The following TMCC3 variants were observed in gnomAD, a reference collection of about 807,000 sequenced individuals.
TMCC3 encodes transmembrane and coiled-coil domain protein 3.
Under a neutral mutation model 40.2 loss-of-function variants are expected in TMCC3, and 28 were observed. That is an observed-to-expected ratio of 0.70 (90% CI 0.52 to 0.95). The LOEUF (loss-of-function observed/expected upper bound fraction) is 0.95, where lower values mean the gene tolerates loss of function less well. TMCC3 is among the 40% of genes least tolerant of loss of function. TMCC3 has a pLI of 0.00. For synonymous variants in TMCC3, 255 were observed against 248.5 expected (o/e 1.03, Z -0.25); for missense variants, 554 against 615.2 (o/e 0.90, Z 1.05).
Position 94,571,170 on chromosome 12 carries a change from G to A in TMCC3, c.*265C>T. ...TCAATATACAGAGGTTTACCACGCT[G>A]GGCTGGTCAGGTGGGCAGGAAATCG... On this transcript the variant is annotated 3_prime_UTR_variant, in exon 4 of 4. Coordinates refer to ENST00000261226, the MANE Select transcript of TMCC3 (RefSeq NM_020698.4). 2.1e-6 allele frequency: 1 copy of A among 486,466 alleles called. No individual in the cohort carries two copies. Among genetic ancestry groups the A allele is most frequent in the Non-Finnish European group, 3.7e-6 (1 of 269,264 alleles). The allele number at this position is 486,466 out of a possible 1,614,324, so 30.1% of individuals were successfully genotyped here.
intron 2 of TMCC3, 85 bp downstream of exon 2, chr12:94,581,537 T>C: frequency 9.5e-7 from 1 of 1,050,250 alleles, no homozygotes; most frequent in East Asian, 3.3e-5. Context: ...AAAAAAGTTT[T>C]CAAAATGAAA....
At chr12:94,603,036 T>C (rs780630157) in intron 1 of TMCC3, among the ~76,000 whole-genome samples, 9 of 152,212 alleles carry the variant, frequency 5.9e-5, no homozygotes, top group Non-Finnish European at 8.8e-5. Context: ...CATAAAATTA[T>C]TAGCACAGAC....
intron 1 of TMCC3, among the ~76,000 whole-genome samples, chr12:94,612,904 T>C (rs2068824794): frequency 1.3e-5 from 2 of 152,194 alleles, no homozygotes; most frequent in African/African-American, 4.8e-5. Flanking sequence ...AGAAATTCCA[T>C]TTGTAGGTTA....
intron 1 of TMCC3, among the ~76,000 whole-genome samples, chr12:94,644,931 T>C (rs761272815): frequency 1.3e-5 from 2 of 152,242 alleles, no homozygotes; most frequent in Admixed American, 6.5e-5. Context: ...CTTGAAGATA[T>C]ACTACAGGTG....
chr12:94,593,401 G>A (rs1191362846), intron 1 of TMCC3, among the ~76,000 whole-genome samples: 2 of 28,458 alleles, frequency 7.0e-5, no homozygotes, highest in Admixed American at 3.7e-4. Flanking sequence ...AAAGAAGAAA[G>A]AAGAAGAAGG....
At chr12:94,647,313 T>G (rs1317613) in intron 1 of TMCC3, among the ~76,000 whole-genome samples, 37,157 of 152,128 alleles carry the variant, frequency 0.24, 5,749 homozygotes, top group African/African-American at 0.44. Flanking sequence ...TCCACCTAGA[T>G]GTAAAAATAG....
chr12:94,641,674 C>T (rs2068991660), intron 1 of TMCC3, among the ~76,000 whole-genome samples: 1 of 152,200 alleles, frequency 6.6e-6, no homozygotes, highest in African/African-American at 2.4e-5. Flanking sequence ...ATTGAAAACA[C>T]TCGGTGCTAG....
chr12:94,597,384 C>T (rs1167031152), intron 1 of TMCC3, among the ~76,000 whole-genome samples: 1 of 151,998 alleles, frequency 6.6e-6, no homozygotes, highest in Non-Finnish European at 1.5e-5. Flanking sequence ...CCTTTCCTCC[C>T]TAAGGGACCT....
chr12:94,609,160 C>T (rs1468123002), intron 1 of TMCC3, among the ~76,000 whole-genome samples: 4 of 151,984 alleles, frequency 2.6e-5, no homozygotes, highest in African/African-American at 7.3e-5. Flanking sequence ...CCCAGGAGTT[C>T]GAGGTTGCAG....
chr12:94,584,036 C>T (rs1029514789), intron 1 of TMCC3, among the ~76,000 whole-genome samples: 34 of 152,024 alleles, frequency 2.2e-4, no homozygotes, highest in Non-Finnish European at 3.5e-4. Flanking sequence ...AATTAGTGGG[C>T]TGACAGCAAA....
chr12:94,584,709 T>C (rs1014308101), intron 1 of TMCC3, among the ~76,000 whole-genome samples: 12 of 151,812 alleles, frequency 7.9e-5, no homozygotes, highest in Non-Finnish European at 1.0e-4. Flanking sequence ...TGCACAATTT[T>C]GTCATGAAGG....
intron 1 of TMCC3, among the ~76,000 whole-genome samples, chr12:94,649,001 A>G: frequency 6.6e-6 from 1 of 152,362 alleles, no homozygotes; most frequent in South Asian, 2.1e-4. Flanking sequence ...ACATTTCTTC[A>G]ATGTTTATTC....
rs1281731270 is a variant in TMCC3 at position 94,568,929 on chromosome 12, C to T, written c.*2506G>A. On this transcript the variant is annotated 3_prime_UTR_variant, in exon 4 of 4. Coordinates refer to ENST00000261226, the MANE Select transcript of TMCC3 (RefSeq NM_020698.4). ...GCTAGTTTCTAGCAGATTCTGTTAA[C>T]AGCTCCAGACTAGAGGGGACGGAGT... 2.0e-5 allele frequency: 3 copies of T among 152,226 alleles called. No homozygotes were observed. Among genetic ancestry groups the T allele is most frequent in the Non-Finnish European group, 2.9e-5 (2 of 68,032 alleles). 9.4% of individuals were successfully genotyped at this position (152,226 alleles called of 1,614,324 possible). A position where few individuals can be genotyped will look rare whatever the true frequency, so the allele number is the denominator to read the frequency against.
chr12:94,633,949 A>T (rs971339020), intron 1 of TMCC3, among the ~76,000 whole-genome samples: 27 of 142,276 alleles, frequency 1.9e-4, no homozygotes, highest in East Asian at 4.0e-4. Context: ...TTTGTTTTTT[A>T]TTTTTTTTTT....
At chr12:94,598,752 G>A (rs1328041393) in intron 1 of TMCC3, 8 of 985,428 alleles carry the variant, frequency 8.1e-6, no homozygotes, top group Middle Eastern at 1.0e-3. Context: ...TCGTGTTTCA[G>A]GCAGAGAACA....
intron 2 of TMCC3, 69 bp from the exon 3 acceptor site, chr12:94,578,598 T>C: frequency 6.6e-7 from 1 of 1,524,722 alleles, no homozygotes; most frequent in South Asian, 1.2e-5. Context: ...GTCCTTTTTA[T>C]CTTCCTGCGC....
At chr12:94,643,662 C>T (rs1437413901) in intron 1 of TMCC3, among the ~76,000 whole-genome samples, 3 of 152,200 alleles carry the variant, frequency 2.0e-5, no homozygotes, top group African/African-American at 7.2e-5. Context: ...TATATGACTA[C>T]GTGCAAAAGA....
chr12:94,576,093 A>G (rs1467659932), intron 3 of TMCC3, among the ~76,000 whole-genome samples: 1 of 152,174 alleles, frequency 6.6e-6, no homozygotes, highest in African/African-American at 2.4e-5. Flanking sequence ...GGCAACAATT[A>G]ACGTTTAAAT....
At chr12:94,626,634 C>T (rs2055254411) in intron 1 of TMCC3, among the ~76,000 whole-genome samples, 2 of 152,176 alleles carry the variant, frequency 1.3e-5, no homozygotes, top group Admixed American at 1.3e-4. Flanking sequence ...ATTCTGCAAT[C>T]TCTGCCCACC....
Sources: allele counts gnomAD v4.1 joint callset (sites outside exome capture counted in the v4.1 genomes callset), GRCh38; gene constraint gnomAD v4.1.1; transcripts MANE v1.5; gene names NCBI Gene and HGNC (gene_info 2026-07-23, HGNC 2026-07-21).